Variants in LTBP1 observed in about 807,000 individuals in gnomAD.
LTBP1 encodes latent-transforming growth factor beta-binding protein 1.
In LTBP1, 129 loss-of-function variants were observed where a neutral mutation model predicts 207.6. The ratio of observed to expected loss-of-function variants is 0.62; its 90% CI spans 0.54 to 0.72. The LOEUF (loss-of-function observed/expected upper bound fraction) is 0.72. Among genes scored for constraint, LTBP1 ranks in the 30% least tolerant of loss-of-function variants. LTBP1 has a pLI of 0.00. For missense variants in LTBP1, 2,281 were observed against 2,217.2 expected, an observed-to-expected ratio of 1.03 and a Z score of -0.58; for synonymous variants, 963 against 833.7, an observed-to-expected ratio of 1.16 and a Z score of -2.67.
At chr2:33,192,619 A>AT (rs569470387) in intron 7 of LTBP1, among the ~76,000 whole-genome samples, 8 of 152,164 alleles carry the variant, frequency 5.3e-5, no homozygotes, top group African/African-American at 9.7e-5. Flanking sequence ...TTAAATCTTG[A>AT]TTTTTTAAAA....
chr2:33,296,348 A>G (rs912651333), intron 20 of LTBP1, among the ~76,000 whole-genome samples: 4 of 151,840 alleles, frequency 2.6e-5, no homozygotes, highest in Non-Finnish European at 5.9e-5. Context: ...ATCCAAATCA[A>G]TGTCACAACT....
chr2:33,334,093 G>C (rs998120013), intron 24 of LTBP1, among the ~76,000 whole-genome samples: 1 of 152,222 alleles, frequency 6.6e-6, no homozygotes, highest in African/African-American at 2.4e-5. Context: ...TTACAAAATG[G>C]TGACCTTATC....
intron 3 of LTBP1, among the ~76,000 whole-genome samples, chr2:33,093,373 C>G (rs981645214): frequency 6.6e-6 from 1 of 151,918 alleles, no homozygotes. Flanking sequence ...TTCACGGATT[C>G]TAATGGGATT....
chr2:33,344,385 A>G (rs1164298746), intron 25 of LTBP1, among the ~76,000 whole-genome samples: 2 of 152,124 alleles, frequency 1.3e-5, no homozygotes, highest in Non-Finnish European at 2.9e-5. Flanking sequence ...TGTGGCCCCT[A>G]CTTTTCATCT....
intron 9 of LTBP1, among the ~76,000 whole-genome samples, chr2:33,226,561 C>G (rs115866351): frequency 3.3e-5 from 5 of 152,260 alleles, no homozygotes; most frequent in Admixed American, 6.5e-5. Context: ...AGTAGCCATC[C>G]GGAGCAGCAG....
At chr2:33,112,083 T>A (rs192605625) in intron 4 of LTBP1, among the ~76,000 whole-genome samples, 16 of 152,314 alleles carry the variant, frequency 1.1e-4, no homozygotes, top group Admixed American at 5.2e-4. Context: ...ACAATTTTTT[T>A]AAAAGATCTC....
chr2:33,360,765 C>G lies in LTBP1; in HGVS notation c.4169C>G (p.Pro1390Arg). The G allele has an allele frequency of 1.2e-6, 2 of 1,613,732 alleles. No homozygotes were observed. Among genetic ancestry groups the G allele is most frequent in the Non-Finnish European group, 1.7e-6 (2 of 1,179,774 alleles). The change falls in exon 27 of 34, where the codon CCG (proline) becomes CGG (arginine). Residue 1390 changes from proline to arginine, a missense_variant. Coordinates refer to ENST00000404816, the MANE Select transcript of LTBP1 (RefSeq NM_206943.4). ...WGDNCEIFPC[P>R]VLGTAEFTEM... Reference sequence around the variant, plus strand: ...GATAACTGCGAAATCTTCCCCTGCCCGGTCTTGGGAACTGGTAAGAATCCG... The same window carrying G: ...GATAACTGCGAAATCTTCCCCTGCCGGGTCTTGGGAACTGGTAAGAATCCG...
At chr2:33,381,487 C>A (rs2095214126) in intron 31 of LTBP1, among the ~76,000 whole-genome samples, 1 of 152,062 alleles carries the variant, frequency 6.6e-6, no homozygotes. Context: ...TTACAGGAGT[C>A]CCACAGAATA....
At chr2:33,164,573 T>G (rs1231452237) in intron 5 of LTBP1, among the ~76,000 whole-genome samples, 3 of 152,144 alleles carry the variant, frequency 2.0e-5, no homozygotes, top group African/African-American at 4.8e-5. Flanking sequence ...CAAATAAATA[T>G]TTCTGATTAC....
chr2:33,036,570 GC>G (rs1307984734), intron 3 of LTBP1, among the ~76,000 whole-genome samples: 1 of 151,830 alleles, frequency 6.6e-6, no homozygotes, highest in Non-Finnish European at 1.5e-5. Context: ...CTATTCTCCT[GC>G]CTTAGCCTCC....
At chr2:33,174,192 A>G (rs1290589422) in intron 5 of LTBP1, among the ~76,000 whole-genome samples, 158 of 146,984 alleles carry the variant, frequency 1.1e-3, no homozygotes, top group African/African-American at 3.8e-3. Context: ...AGGGTATTCA[A>G]TTAGGAAAAG....
At position 33,397,353 on chromosome 2, in the gene LTBP1, A is replaced by G. The variant is rs971536469; in HGVS notation, c.4984+71A>G. On this transcript the variant is annotated intron_variant, in intron 33 of 33. Transcript: ENST00000404816. ...CCCCGTATCTCAGTCAGTAGAGAAC[A>G]TTTAAGATAGATTTGCTGAGTTTCA... 3 of 1,547,258 alleles carry G rather than the reference A, an allele frequency of 1.9e-6. No homozygotes were observed. The African/African-American group carries it at 4.1e-5, about 21-fold the overall frequency.
chr2:33,366,757 A>G (rs531677424), intron 31 of LTBP1, among the ~76,000 whole-genome samples: 1 of 152,300 alleles, frequency 6.6e-6, no homozygotes, highest in African/African-American at 2.4e-5. Context: ...AGCAGGGGGT[A>G]ATTACTAGCT....
intron 3 of LTBP1, among the ~76,000 whole-genome samples, chr2:33,073,011 C>G (rs1283267122): frequency 6.6e-6 from 1 of 152,114 alleles, no homozygotes; most frequent in African/African-American, 2.4e-5. Context: ...AGTAGTGTTG[C>G]CCTCCACAGA....
chr2:33,139,490 G>A (rs147000472), intron 5 of LTBP1, among the ~76,000 whole-genome samples: 13 of 152,302 alleles, frequency 8.5e-5, no homozygotes, highest in East Asian at 3.9e-4. Flanking sequence ...GCTAGCAGGC[G>A]CCCAGAGAAG....
intron 5 of LTBP1, among the ~76,000 whole-genome samples, chr2:33,174,430 T>C (rs1225173214): frequency 5.9e-5 from 9 of 152,074 alleles, no homozygotes; most frequent in African/African-American, 9.6e-5. Context: ...AATAAAATAC[T>C]TAGGAATCCA....
At chr2:33,265,515 C>G (rs2093151424) in intron 15 of LTBP1, among the ~76,000 whole-genome samples, 1 of 152,024 alleles carries the variant, frequency 6.6e-6, no homozygotes, top group Non-Finnish European at 1.5e-5. Flanking sequence ...ATGTTGCCAC[C>G]AAATATAGTA....
At chr2:33,297,214 C>T (rs977933174) in intron 20 of LTBP1, among the ~76,000 whole-genome samples, 1 of 152,114 alleles carries the variant, frequency 6.6e-6, no homozygotes, top group African/African-American at 2.4e-5. Context: ...TACTCCGATT[C>T]TAATGGCGTC....
At chr2:33,268,570 G>C (rs140118342) in intron 15 of LTBP1, among the ~76,000 whole-genome samples, 17 of 152,300 alleles carry the variant, frequency 1.1e-4, no homozygotes, top group Admixed American at 3.3e-4. Context: ...TTGGTGGCTC[G>C]CAACATTATT....
Sources: gnomAD v4.1 joint callset for allele counts (sites outside exome capture counted in the v4.1 genomes callset) on GRCh38, gnomAD v4.1.1 for gene constraint, MANE v1.5 for transcripts, NCBI Gene and HGNC (gene_info 2026-07-23, HGNC 2026-07-21) for gene names.